The following AFF2 variants were observed in gnomAD, a reference collection of about 807,000 sequenced individuals.
AFF2 encodes the protein ALF transcription elongation factor 2.
In AFF2, 14 loss-of-function variants were observed where a neutral mutation model predicts 76.9. The ratio of observed to expected loss-of-function variants is 0.18; its 90% CI spans 0.12 to 0.28. AFF2 has a LOEUF of 0.28. AFF2 is among the 10% of genes least tolerant of loss of function. The pLI, the probability that AFF2 is intolerant of heterozygous loss-of-function variation, is 1.00. For missense variants in AFF2, 868 were observed against 1,001.1 expected (o/e 0.87, Z 1.79); for synonymous variants, 398 against 366.7 (o/e 1.09, Z -0.98).
chrX:148,937,309 A>C (rs1169424842), intron 9 of AFF2, among the ~76,000 whole-genome samples: 1 of 112,233 alleles, frequency 8.9e-6, no homozygotes, highest in Admixed American at 9.4e-5. Flanking sequence ...TGGTTTGTTA[A>C]AAACAACTTT....
intron 7 of AFF2, among the ~76,000 whole-genome samples, chrX:148,847,966 T>C (rs1407539582): frequency 2.7e-5 from 3 of 111,813 alleles, no homozygotes; most frequent in African/African-American, 9.8e-5. Context: ...TTATTTTGAA[T>C]GGATATTTTG....
intron 3 of AFF2, among the ~76,000 whole-genome samples, chrX:148,760,193 C>T (rs1200786467): frequency 4.5e-5 from 5 of 111,902 alleles, no homozygotes; most frequent in Admixed American, 9.5e-5. Context: ...AAATAATTCA[C>T]GCCCAAGGTA....
At chrX:148,596,768 T>A (rs1481541319) in intron 1 of AFF2, among the ~76,000 whole-genome samples, 1 of 112,440 alleles carries the variant, frequency 8.9e-6, no homozygotes, top group Non-Finnish European at 1.9e-5. Flanking sequence ...GACTAAATAG[T>A]TTAATCAGGA....
chrX:148,902,848 G>A (rs1051969881), intron 8 of AFF2, among the ~76,000 whole-genome samples: 1 of 111,666 alleles, frequency 9.0e-6, no homozygotes, highest in Non-Finnish European at 1.9e-5. Flanking sequence ...CAAAGAAAGT[G>A]CCCAAATATT....
At chrX:148,840,472 T>C (rs1557274190) in intron 5 of AFF2, among the ~76,000 whole-genome samples, 1 of 112,142 alleles carries the variant, frequency 8.9e-6, no homozygotes, top group African/African-American at 3.2e-5. Context: ...TCTGGCCCTT[T>C]GCAGGAAAAG....
chrX:148,521,884 C>T (rs186133456), intron 1 of AFF2, among the ~76,000 whole-genome samples: 1 of 111,938 alleles, frequency 8.9e-6, no homozygotes, highest in East Asian at 2.8e-4. Flanking sequence ...GCCCTTGTGC[C>T]GTCCAAAAGC....
chrX:148,630,614 C>T (rs2053970516), intron 1 of AFF2, among the ~76,000 whole-genome samples: 1 of 111,480 alleles, frequency 9.0e-6, no homozygotes, highest in Non-Finnish European at 1.9e-5. Context: ...ATTGGAGGAA[C>T]GGATCTTGCA....
intron 3 of AFF2, among the ~76,000 whole-genome samples, chrX:148,798,035 T>C (rs781847711): frequency 1.8e-5 from 2 of 112,276 alleles, no homozygotes; most frequent in Admixed American, 9.4e-5. Flanking sequence ...TGAACAGAAA[T>C]TTATTGGCTC....
At chrX:148,821,475 A>G (rs1163893630) in intron 4 of AFF2, among the ~76,000 whole-genome samples, 1 of 110,601 alleles carries the variant, frequency 9.0e-6, no homozygotes, top group Non-Finnish European at 1.9e-5. Context: ...CCTACCTCAC[A>G]TATTGCCAAT....
intron 1 of AFF2, among the ~76,000 whole-genome samples, chrX:148,541,278 G>A (rs2052851969): frequency 8.9e-6 from 1 of 112,229 alleles, no homozygotes; most frequent in South Asian, 3.7e-4. Context: ...GTAGCCTGTT[G>A]CGTGCTTATT....
intron 19 of AFF2, among the ~76,000 whole-genome samples, chrX:148,985,206 G>A (rs1439962695): frequency 3.0e-5 from 3 of 101,546 alleles, no homozygotes; most frequent in Admixed American, 1.1e-4. Flanking sequence ...GCTGGTTTTC[G>A]AACTCCTGAC....
At chrX:148,617,983 A>G (rs1557250715) in intron 1 of AFF2, among the ~76,000 whole-genome samples, 1 of 111,554 alleles carries the variant, frequency 9.0e-6, no homozygotes, top group Non-Finnish European at 1.9e-5. Context: ...GTATATATAC[A>G]ATGAACCTTA....
At chrX:148,721,570 C>T (rs186576219) in intron 3 of AFF2, among the ~76,000 whole-genome samples, 13 of 111,903 alleles carry the variant, frequency 1.2e-4, no homozygotes, top group African/African-American at 3.6e-4. Flanking sequence ...GTCAGCCCTT[C>T]GTTAGGATGG....
At chrX:148,550,424 G>A (rs926747545) in intron 1 of AFF2, among the ~76,000 whole-genome samples, 8 of 111,229 alleles carry the variant, frequency 7.2e-5, no homozygotes, top group African/African-American at 2.6e-4. Flanking sequence ...TTTCTTCTTT[G>A]TACTTTTTTG....
intron 8 of AFF2, among the ~76,000 whole-genome samples, chrX:148,902,186 A>T (rs782296955): frequency 8.9e-6 from 1 of 111,894 alleles, no homozygotes; most frequent in South Asian, 3.8e-4. Flanking sequence ...TATTTTCAAA[A>T]AACATGCCTC....
At chrX:148,886,092 G>T in intron 8 of AFF2, 107 bp downstream of exon 8, 2 of 600,372 alleles carry the variant, frequency 3.3e-6, no homozygotes, top group Non-Finnish European at 5.5e-6. Flanking sequence ...CTTTATCTCT[G>T]GGCTTTGGAG....
chrX:148,821,143 C>T (rs1474366939), intron 4 of AFF2, among the ~76,000 whole-genome samples: 2 of 111,472 alleles, frequency 1.8e-5, no homozygotes, highest in African/African-American at 3.3e-5. Context: ...AGCTCTTCTC[C>T]CTTGCTGAAT....
At chrX:148,970,640 A>T (rs2072238249) in intron 15 of AFF2, among the ~76,000 whole-genome samples, 1 of 112,123 alleles carries the variant, frequency 8.9e-6, no homozygotes, top group South Asian at 3.7e-4. Context: ...TATCAGGGCT[A>T]AAACCTTTGC....
chrX:148,955,532 C>G, intron 10 of AFF2, 71 bp from the exon 11 acceptor site: 1 of 1,089,981 alleles, frequency 9.2e-7, no homozygotes, highest in African/African-American at 1.8e-5. Flanking sequence ...GTAGTAGTCT[C>G]TGTACTCAGG....
Sources: allele counts gnomAD v4.1 joint callset (sites outside exome capture counted in the v4.1 genomes callset), GRCh38; gene constraint gnomAD v4.1.1; transcripts MANE v1.5; gene names NCBI Gene and HGNC (gene_info 2026-07-23, HGNC 2026-07-21).